Variants in SLC24A2 observed in about 807,000 individuals in gnomAD.
SLC24A2 encodes the protein sodium/potassium/calcium exchanger 2.
Under a neutral mutation model 62.0 loss-of-function variants are expected in SLC24A2, and 36 were observed. The observed-to-expected ratio is 0.58, with a 90% confidence interval of 0.44 to 0.77. SLC24A2 has a LOEUF of 0.77. SLC24A2 is among the 30% of genes least tolerant of loss of function. The pLI, the probability that SLC24A2 is intolerant of heterozygous loss-of-function variation, is 0.00. For synonymous variants in SLC24A2, 358 were observed against 294.0 expected, an observed-to-expected ratio of 1.22 and a Z score of -2.23; for missense variants, 846 against 817.9, an observed-to-expected ratio of 1.03 and a Z score of -0.42.
At chr9:19,728,368 T>C (rs1455176747) in intron 2 of SLC24A2, among the ~76,000 whole-genome samples, 3 of 151,356 alleles carry the variant, frequency 2.0e-5, no homozygotes, top group Non-Finnish European at 2.9e-5. Context: ...CTGAAAGGAA[T>C]GATATCTCAT....
At chr9:19,947,660 G>A in the SLC24A2 span, among the ~76,000 whole-genome samples, 10 of 151,272 alleles carry the variant, frequency 6.6e-5, no homozygotes, top group Admixed American at 1.3e-4. Context: ...GCATGGTGGC[G>A]GGCACCTGTA....
At chr9:20,160,963 G>A in the SLC24A2 span, among the ~76,000 whole-genome samples, 1 of 150,832 alleles carries the variant, frequency 6.6e-6, no homozygotes, top group East Asian at 1.9e-4. Flanking sequence ...TTCCTTAAAA[G>A]AGAAGTCAAT....
chr9:20,068,437 C>G, the SLC24A2 span, among the ~76,000 whole-genome samples: 2 of 152,208 alleles, frequency 1.3e-5, no homozygotes, highest in African/African-American at 4.8e-5. Context: ...CCTCTTGGCT[C>G]TAAATCTGCC....
chr9:19,527,634 G>A (rs1207481885), intron 9 of SLC24A2, among the ~76,000 whole-genome samples: 1 of 152,164 alleles, frequency 6.6e-6, no homozygotes, highest in Non-Finnish European at 1.5e-5. Context: ...TGAAGCTCAA[G>A]GAAGAGGCTA....
chr9:19,770,823 T>C (rs1822664273), intron 2 of SLC24A2, among the ~76,000 whole-genome samples: 1 of 152,228 alleles, frequency 6.6e-6, no homozygotes, highest in Non-Finnish European at 1.5e-5. Context: ...GAGCAACTCA[T>C]AGCACATTAC....
At chr9:20,225,576 T>TATATATTA in the SLC24A2 span, among the ~76,000 whole-genome samples, 1 of 126,440 alleles carries the variant, frequency 7.9e-6, no homozygotes, top group African/African-American at 3.7e-5. Context: ...ATATATATAA[T>TATATATTA]TTCATTTAAA....
intron 2 of SLC24A2, among the ~76,000 whole-genome samples, chr9:19,678,053 C>G (rs1336514108): frequency 6.6e-6 from 1 of 152,256 alleles, no homozygotes; most frequent in East Asian, 1.9e-4. Context: ...CTTCGCAGAT[C>G]TAGCTTAAGC....
chr9:20,207,777 A>G, the SLC24A2 span, among the ~76,000 whole-genome samples: 28 of 152,328 alleles, frequency 1.8e-4, no homozygotes, highest in African/African-American at 4.8e-4. Flanking sequence ...AGCCACTACA[A>G]TGGGCACTGG....
chr9:19,541,519 GGGGTCA>G (rs2132708574), intron 8 of SLC24A2, among the ~76,000 whole-genome samples: 1 of 119,194 alleles, frequency 8.4e-6, no homozygotes, highest in South Asian at 2.8e-4. Context: ...AGGCTGCTCG[GGGGTCA>G]GGGGTCAGGG....
the SLC24A2 span, among the ~76,000 whole-genome samples, chr9:20,000,781 A>C: frequency 6.6e-5 from 10 of 152,206 alleles, no homozygotes; most frequent in African/African-American, 2.4e-4. Flanking sequence ...CCTAGAGACT[A>C]AGTTAACAGT....
chr9:19,884,535 G>A, the SLC24A2 span, among the ~76,000 whole-genome samples: 4 of 152,162 alleles, frequency 2.6e-5, no homozygotes, highest in African/African-American at 9.7e-5. Flanking sequence ...TTAGTTGGAA[G>A]TGAATAAAGT....
At chr9:19,536,867 T>G (rs1834005343) in intron 8 of SLC24A2, among the ~76,000 whole-genome samples, 1 of 115,164 alleles carries the variant, frequency 8.7e-6, no homozygotes, top group African/African-American at 3.5e-5. Flanking sequence ...GCACCTGTTG[T>G]TTCCTGACAT....
the SLC24A2 span, among the ~76,000 whole-genome samples, chr9:20,233,272 G>C: frequency 2.0e-5 from 3 of 152,026 alleles, no homozygotes; most frequent in Non-Finnish European, 4.4e-5. Context: ...TTCAATTCCT[G>C]GGTATCCTTG....
chr9:19,753,748 A>G (rs1822053203), intron 2 of SLC24A2, among the ~76,000 whole-genome samples: 1 of 152,184 alleles, frequency 6.6e-6, no homozygotes, highest in Non-Finnish European at 1.5e-5. Flanking sequence ...AAAGGTATGT[A>G]CTAGTGAGAA....
At chr9:20,136,690 A>T in the SLC24A2 span, among the ~76,000 whole-genome samples, 2 of 152,176 alleles carry the variant, frequency 1.3e-5, no homozygotes, top group Non-Finnish European at 2.9e-5. Context: ...AGGATTAATG[A>T]TAACTGATCA....
At chr9:20,185,232 C>A in the SLC24A2 span, among the ~76,000 whole-genome samples, 1 of 152,002 alleles carries the variant, frequency 6.6e-6, no homozygotes, top group South Asian at 2.1e-4. Flanking sequence ...AGTGTTCTCA[C>A]CACACAAAAA....
At chr9:19,997,307 A>C in the SLC24A2 span, among the ~76,000 whole-genome samples, 1 of 152,220 alleles carries the variant, frequency 6.6e-6, no homozygotes, top group Admixed American at 6.5e-5. Flanking sequence ...GAGAAATTAG[A>C]ATAAAGATAA....
At chr9:19,852,250 C>G in the SLC24A2 span, among the ~76,000 whole-genome samples, 2 of 152,130 alleles carry the variant, frequency 1.3e-5, no homozygotes, top group African/African-American at 4.8e-5. Flanking sequence ...GAATAGATTA[C>G]AAAAATTTTC....
the SLC24A2 span, among the ~76,000 whole-genome samples, chr9:20,030,075 G>A: frequency 6.6e-6 from 1 of 152,146 alleles, no homozygotes; most frequent in Non-Finnish European, 1.5e-5. Context: ...GGAGCTCTCT[G>A]GAGAGCACAT....
Sources: allele counts gnomAD v4.1 joint callset (sites outside exome capture counted in the v4.1 genomes callset), GRCh38; gene constraint gnomAD v4.1.1; transcripts MANE v1.5; gene names NCBI Gene and HGNC (gene_info 2026-07-23, HGNC 2026-07-21).